The following RNF214 variants were observed in gnomAD, a reference collection of about 807,000 sequenced individuals.
RNF214 encodes the protein ring finger protein 214.
Under a neutral mutation model 75.9 loss-of-function variants are expected in RNF214, and 25 were observed. That is an observed-to-expected ratio of 0.33 (90% CI 0.24 to 0.46). The LOEUF (loss-of-function observed/expected upper bound fraction) is 0.46. Ranked by LOEUF, RNF214 falls within the 20% of genes least tolerant of loss-of-function variation. RNF214 has a pLI of 1.00. For missense variants in RNF214, 725 were observed against 857.5 expected, an observed-to-expected ratio of 0.85 and a Z score of 1.93; for synonymous variants, 314 against 308.8, an observed-to-expected ratio of 1.02 and a Z score of -0.18.
intron 6 of RNF214, among the ~76,000 whole-genome samples, chr11:117,247,637 G>A (rs1433213821): frequency 6.6e-6 from 1 of 152,100 alleles, no homozygotes; most frequent in Non-Finnish European, 1.5e-5. Flanking sequence ...TGGATCACGA[G>A]GTCAGGAGAT....
In RNF214 at chr11:117,238,746, C is replaced by A; in HGVS notation, c.253C>A (p.His85Asn). 1 of 1,614,152 alleles carries A rather than the reference C, an allele frequency of 6.2e-7. No homozygotes were observed. Among genetic ancestry groups the A allele is most frequent in the Non-Finnish European group, 8.5e-7 (1 of 1,180,030 alleles). ...GSSAGDTSAAHQVVLGENLIA... is the reference protein window; with the variant it reads ...GSSAGDTSAANQVVLGENLIA... ...ATCAGCAGGTGACACCTCAGCAGCG[C>A]ACCAGGTGGTTTTAGGAGAAAACTT... Residue 85 changes from histidine to asparagine, a missense_variant, in exon 3 of 15, where the codon CAC (histidine) becomes AAC (asparagine). Physicochemically the swap from His to Asn is moderately conservative, Grantham distance 68. Transcript: ENST00000300650.
intron 6 of RNF214, among the ~76,000 whole-genome samples, chr11:117,247,514 A>T (rs1037859648): frequency 2.0e-5 from 3 of 152,136 alleles, no homozygotes; most frequent in South Asian, 4.1e-4. Context: ...AATTTTTTTT[A>T]TATGAATCTA....
At chr11:117,260,097 CT>C (rs1394020685) in intron 6 of RNF214, among the ~76,000 whole-genome samples, 2 of 151,538 alleles carry the variant, frequency 1.3e-5, no homozygotes, top group Non-Finnish European at 2.9e-5. Context: ...TTTTCTCCCC[CT>C]GGGAGGCACA....
intron 6 of RNF214, among the ~76,000 whole-genome samples, chr11:117,256,495 A>G (rs2033525335): frequency 6.6e-6 from 1 of 152,056 alleles, no homozygotes; most frequent in Non-Finnish European, 1.5e-5. Context: ...TCCCTGGCAC[A>G]TTGTGGGGGA....
In RNF214 at chr11:117,271,351, A is replaced by G. The variant is rs1348457154; in HGVS notation, c.960-8557A>G. On this transcript the variant is annotated intron_variant, in intron 6 of 14. Transcript: ENST00000300650. ...CCGTTTTTGTCTCTTATTTAGCAAC[A>G]ATGCCAGCTCTGTTTGCATTTGCCG... is the stretch of plus-strand genomic sequence containing the variant. Among the ~76,000 whole-genome samples, 7 of 152,158 alleles carry G rather than the reference A, an allele frequency of 4.6e-5. No individual in the cohort carries two copies. The South Asian group carries it at 1.5e-3, about 32-fold the overall frequency.
chr11:117,261,188 C>G (rs955980206), intron 6 of RNF214, among the ~76,000 whole-genome samples: 8 of 152,042 alleles, frequency 5.3e-5, no homozygotes, highest in African/African-American at 1.7e-4. Flanking sequence ...TTGTGTATGC[C>G]TTTTGTCAAA....
chr11:117,279,844 C>T lies in RNF214; in HGVS notation c.960-64C>T, dbSNP rs551448257. 6.1e-4 allele frequency: 789 copies of T among 1,287,394 alleles called. 15 individuals are homozygous for T. The South Asian group carries it at 0.01, about 17-fold the overall frequency. 79.7% of individuals were successfully genotyped at this position (1,287,394 alleles called of 1,614,324 possible). ...GACCAATTTTGGGTTGTACTTTTGC[C>T]CTGGTATCTCTCAACAAGCTTATCT... On this transcript the variant is annotated intron_variant, in intron 6 of 14. Transcript: ENST00000300650.
intron 6 of RNF214, among the ~76,000 whole-genome samples, chr11:117,251,991 C>G (rs972869560): frequency 6.6e-5 from 10 of 152,224 alleles, no homozygotes; most frequent in Admixed American, 5.9e-4. Flanking sequence ...GCCTCAGCCT[C>G]CTGAGTAGCT....
intron 4 of RNF214, 33 bp from the exon 5 acceptor site, chr11:117,244,412 G>A: frequency 1.3e-6 from 2 of 1,588,480 alleles, no homozygotes; most frequent in Non-Finnish European, 1.7e-6. Flanking sequence ...GATTAAATTA[G>A]GAAATAAGCT....
At chr11:117,240,077 GCACAGTGGCT>G (rs2033028833) in intron 4 of RNF214, among the ~76,000 whole-genome samples, 1 of 151,962 alleles carries the variant, frequency 6.6e-6, no homozygotes, top group African/African-American at 2.4e-5. Flanking sequence ...TATTGGCCAG[GCACAGTGGCT>G]CACACCCATA....
chr11:117,258,736 G>C (rs1029145385), intron 6 of RNF214, among the ~76,000 whole-genome samples: 1 of 152,024 alleles, frequency 6.6e-6, no homozygotes, highest in African/African-American at 2.4e-5. Flanking sequence ...TGTTAAACCT[G>C]AAAGTTCACT....
At chr11:117,262,922 T>C (rs751717172) in intron 6 of RNF214, among the ~76,000 whole-genome samples, 4 of 152,012 alleles carry the variant, frequency 2.6e-5, no homozygotes, top group Non-Finnish European at 5.9e-5. Flanking sequence ...TTCTCCCACC[T>C]CAGCCTCGTG....
At chr11:117,239,769 A>G in intron 3 of RNF214, 32 bp from the exon 4 acceptor site, 1 of 1,233,838 alleles carries the variant, frequency 8.1e-7, no homozygotes. Flanking sequence ...GTGTCTCTGA[A>G]CGATTCTAAA....
At chr11:117,265,413 GT>G (rs921533538) in intron 6 of RNF214, among the ~76,000 whole-genome samples, 1 of 150,536 alleles carries the variant, frequency 6.6e-6, no homozygotes, top group Admixed American at 6.6e-5. Flanking sequence ...AGTTGTTTTG[GT>G]TTTTTTTTCT....
intron 6 of RNF214, 106 bp from the exon 7 acceptor site, chr11:117,279,802 C>T (rs2034091304): frequency 3.0e-6 from 2 of 662,972 alleles, no homozygotes; most frequent in African/African-American, 3.6e-5. Flanking sequence ...GTAAGACTTC[C>T]TGTAACATAC....
intron 14 of RNF214, among the ~76,000 whole-genome samples, chr11:117,283,949 A>G (rs2034186619): frequency 6.6e-6 from 1 of 152,116 alleles, no homozygotes; most frequent in African/African-American, 2.4e-5. Flanking sequence ...GAGCCAGTGC[A>G]CCTGGTCTCT....
At chr11:117,249,546 G>A (rs2033316043) in intron 6 of RNF214, among the ~76,000 whole-genome samples, 1 of 152,116 alleles carries the variant, frequency 6.6e-6, no homozygotes, top group Non-Finnish European at 1.5e-5. Context: ...ATCATTCATA[G>A]GAACCGGGAC....
intron 6 of RNF214, among the ~76,000 whole-genome samples, chr11:117,279,520 A>G (rs1169708983): frequency 6.6e-6 from 1 of 151,984 alleles, no homozygotes; most frequent in African/African-American, 2.4e-5. Context: ...TATTTTTAGT[A>G]GAGATGGGGT....
At chr11:117,235,363 A>G (rs2032874045) in intron 2 of RNF214, among the ~76,000 whole-genome samples, 1 of 151,622 alleles carries the variant, frequency 6.6e-6, no homozygotes, top group African/African-American at 2.4e-5. Context: ...CGCCCGGCTA[A>G]TTTTTTGTAT....
Sources: gnomAD v4.1 joint callset for allele counts (sites outside exome capture counted in the v4.1 genomes callset) on GRCh38, gnomAD v4.1.1 for gene constraint, MANE v1.5 for transcripts, NCBI Gene and HGNC (gene_info 2026-07-23, HGNC 2026-07-21) for gene names.